Variants in TMEM181 observed in about 807,000 individuals in gnomAD.
TMEM181 encodes the protein transmembrane protein 181.
A neutral mutation model predicts 71.9 loss-of-function variants in TMEM181; 39 were observed. The observed-to-expected ratio is 0.54, with a 90% CI of 0.42 to 0.71. TMEM181 has a LOEUF of 0.71. Among genes scored for constraint, TMEM181 ranks in the 30% least tolerant of loss-of-function variants. The pLI is 0.00. For synonymous variants in TMEM181, 245 were observed against 228.8 expected, an observed-to-expected ratio of 1.07 and a Z score of -0.64; for missense variants, 595 against 583.0, an observed-to-expected ratio of 1.02 and a Z score of -0.21.
intron 1 of TMEM181, among the ~76,000 whole-genome samples, chr6:158,565,339 G>A (rs1782427444): frequency 6.6e-6 from 1 of 152,170 alleles, no homozygotes; most frequent in African/African-American, 2.4e-5. Context: ...TTGTGTTGGT[G>A]CCGTGGTCCC....
At chr6:158,617,159 G>A (rs1053473307) in intron 10 of TMEM181, among the ~76,000 whole-genome samples, 18 of 152,130 alleles carry the variant, frequency 1.2e-4, no homozygotes, top group African/African-American at 4.1e-4. Flanking sequence ...CTCAATTTCA[G>A]AGCCTGTTAT....
At chr6:158,619,867 CAAAAA>C (rs61626531) in intron 10 of TMEM181, among the ~76,000 whole-genome samples, 33 of 67,710 alleles carry the variant, frequency 4.9e-4, no homozygotes, top group Admixed American at 8.1e-4. Flanking sequence ...GACTCCGTCT[CAAAAA>C]AAAAAAAAAA....
At chr6:158,562,608 A>G (rs1418833598) in intron 1 of TMEM181, among the ~76,000 whole-genome samples, 1 of 152,162 alleles carries the variant, frequency 6.6e-6, no homozygotes, top group Non-Finnish European at 1.5e-5. Flanking sequence ...AGACAAATTA[A>G]GTATCCTGGA....
chr6:158,608,304 C>T (rs757429601), intron 8 of TMEM181, 29 bp from the exon 9 acceptor site: 13 of 1,613,592 alleles, frequency 8.1e-6, no homozygotes, highest in Admixed American at 3.3e-5. Flanking sequence ...GCCTGTTTTC[C>T]ACATGGATTT....
At chr6:158,547,729 C>T (rs1053581794) in intron 1 of TMEM181, among the ~76,000 whole-genome samples, 14 of 152,068 alleles carry the variant, frequency 9.2e-5, no homozygotes, top group East Asian at 7.7e-4. Context: ...CCCCTTGGTC[C>T]TGCCCATATC....
chr6:158,623,504 T>C lies in TMEM181; in HGVS notation c.897-46T>C, dbSNP rs774835024. 3 of 1,252,014 alleles carry C rather than the reference T, an allele frequency of 2.4e-6. No homozygotes were observed. The Admixed American group carries it at 7.6e-5, about 32-fold the overall frequency. 77.6% of individuals were successfully genotyped at this position (1,252,014 alleles called of 1,614,324 possible). ...ATAAGAAAAAATGTAAAATAAAAAG[T>C]AAAGGTAGTTATTAATCTATAATTA... On this transcript the variant is annotated intron_variant, in intron 10 of 16. Transcript: ENST00000684151.
chr6:158,599,227 T>C (rs1583010541), intron 6 of TMEM181, among the ~76,000 whole-genome samples: 1 of 152,338 alleles, frequency 6.6e-6, no homozygotes, highest in South Asian at 2.1e-4. Context: ...ACATCACCTG[T>C]GCCTGCACGG....
intron 14 of TMEM181, 107 bp downstream of exon 14, chr6:158,628,597 G>T (rs1415781658): frequency 1.9e-5 from 18 of 957,352 alleles, no homozygotes; most frequent in Non-Finnish European, 2.9e-5. Flanking sequence ...AGCTCCTCGC[G>T]CCCTGTTCTC....
chr6:158,602,209 T>C (rs1784708681), intron 6 of TMEM181, among the ~76,000 whole-genome samples: 1 of 152,252 alleles, frequency 6.6e-6, no homozygotes, highest in African/African-American at 2.4e-5. Context: ...AGCATAATTA[T>C]TTTGAGCTTG....
chr6:158,560,088 G>A, upstream of TMEM181: 1 of 985,146 alleles, frequency 1.0e-6, no homozygotes, highest in Non-Finnish European at 1.2e-6. Flanking sequence ...GTCGCGCTCT[G>A]ATGAGTTTTC....
intron 1 of TMEM181, among the ~76,000 whole-genome samples, chr6:158,543,981 T>C (rs952024020): frequency 5.9e-5 from 9 of 152,126 alleles, no homozygotes; most frequent in Admixed American, 5.9e-4. Flanking sequence ...CTGGCTTAGA[T>C]CGGCCGCTGT....
At chr6:158,594,770 C>T (rs1452794565) in intron 6 of TMEM181, among the ~76,000 whole-genome samples, 1 of 152,192 alleles carries the variant, frequency 6.6e-6, no homozygotes, top group East Asian at 1.9e-4. Flanking sequence ...TCACTGCAAC[C>T]TCTGCCTCCT....
Position 158,633,413 on chromosome 6 carries a change from C to T in TMEM181, c.*1525C>T, listed in dbSNP as rs188882238. 6.6e-6 allele frequency: 1 copy of T among 152,362 alleles called. No homozygotes were observed. The highest frequency in any genetic ancestry group is 6.5e-5 in the Admixed American group (1 of 15,314). The allele number at this position is 152,362 out of a possible 1,614,324, so 9.4% of individuals were successfully genotyped here. On this transcript the variant is annotated 3_prime_UTR_variant, in exon 17 of 17. Coordinates refer to ENST00000684151, the MANE Select transcript of TMEM181 (RefSeq NM_001376852.1). ...GTCTCCCGTGCTTTCCTCTTGACCT[C>T]TACAGTCACACTTCTGTTAACATCT...
intron 5 of TMEM181, among the ~76,000 whole-genome samples, chr6:158,587,795 G>A (rs1368387693): frequency 1.3e-5 from 2 of 152,110 alleles, no homozygotes; most frequent in African/African-American, 4.8e-5. Context: ...TGCCGGAACC[G>A]CTGGTGTAGT....
At chr6:158,549,952 C>CT (rs34066198) in intron 1 of TMEM181, among the ~76,000 whole-genome samples, 2,395 of 110,812 alleles carry the variant, frequency 0.022, 62 homozygotes, top group African/African-American at 0.042. Flanking sequence ...TTTGTCAGGA[C>CT]TTTTTTTTTT....
At chr6:158,584,163 C>A (rs1582985622) in intron 4 of TMEM181, 119 bp downstream of exon 4, 1 of 785,130 alleles carries the variant, frequency 1.3e-6, no homozygotes, top group African/African-American at 1.8e-5. Context: ...TAAGGATGTC[C>A]ATTATTATTT....
At position 158,625,085 on chromosome 6, in the gene TMEM181, C is replaced by T; in HGVS notation, c.955-19C>T. The T allele has an allele frequency of 1.3e-6, 2 of 1,591,154 alleles. No individual in the cohort carries two copies. Among genetic ancestry groups the T allele is most frequent in the East Asian group, 4.5e-5 (2 of 44,778 alleles). ...CAGAGGCCCTGTTCCGACTCAAGTG[C>T]TGCCTTGTGTCCTCCTAGGGAATGA... is the stretch of plus-strand genomic sequence containing the variant. On this transcript the variant is annotated intron_variant, in intron 11 of 16. Transcript: ENST00000684151.
intron 1 of TMEM181, among the ~76,000 whole-genome samples, chr6:158,571,059 T>C (rs1045812896): frequency 2.0e-5 from 3 of 151,044 alleles, no homozygotes; most frequent in African/African-American, 4.8e-5. Flanking sequence ...ATTACAGGCA[T>C]GTGCCACCAC....
At chr6:158,610,915 AGGGTTTCAGTGGGAC>A (rs1785265765) in intron 10 of TMEM181, 1 of 408,690 alleles carries the variant, frequency 2.4e-6, no homozygotes, top group Non-Finnish European at 4.7e-6. Context: ...GGAATGGCTG[AGGGTTTCAGTGGGAC>A]GGGTTCCTCC....
Sources: allele counts gnomAD v4.1 joint callset (sites outside exome capture counted in the v4.1 genomes callset), GRCh38; gene constraint gnomAD v4.1.1; transcripts MANE v1.5; gene names NCBI Gene and HGNC (gene_info 2026-07-23, HGNC 2026-07-21).